The following LITAF variants were observed in gnomAD, a reference collection of about 807,000 sequenced individuals.
LITAF encodes lipopolysaccharide induced TNF factor, also known as lipopolysaccharide-induced tumor necrosis factor-alpha factor.
In LITAF, 9 loss-of-function variants were observed where a neutral mutation model predicts 14.5. The observed-to-expected ratio is 0.62, with a 90% CI of 0.37 to 1.08. LITAF has a LOEUF of 1.08. Among genes scored for constraint, LITAF ranks in the 50% least tolerant of loss-of-function variants. The pLI is 0.01. For missense variants in LITAF, 206 were observed against 213.4 expected (o/e 0.97, Z 0.22); for synonymous variants, 98 against 88.2 (o/e 1.11, Z -0.62).
In LITAF at chr16:11,595,455, C is replaced by A. The variant is rs1228870064; in HGVS notation, c.-6+2933G>T. On this transcript the variant is annotated intron_variant, in intron 1 of 3. Transcript: ENST00000571627. The stretch of plus-strand genomic sequence containing the variant: ...ATAACTATGAAGGATGCCGGCTGGA[C>A]ACGGTGGCTCAAGCCTGTAATCCCA... 2.0e-5 allele frequency among the ~76,000 whole-genome samples: 3 copies of A among 152,116 alleles called. No individual in the cohort carries two copies. In the East Asian group the frequency reaches 5.8e-4, roughly 29 times the overall value.
At position 11,553,116 on chromosome 16, in the gene LITAF, A is replaced by G. The variant is rs1365565104; in HGVS notation, c.377+417T>C. Among the ~76,000 whole-genome samples the G allele has an allele frequency of 4.6e-5, 7 of 150,820 alleles. No individual in the cohort carries two copies. Among genetic ancestry groups the G allele is most frequent in the Non-Finnish European group, 1.0e-4 (7 of 67,766 alleles). On this transcript the variant is annotated intron_variant, in intron 3 of 3. Transcript: ENST00000622633. This position sits in a 1 kb window ranked among gnomAD's most constrained non-coding sequence, Gnocchi z 7.7. The stretch of plus-strand genomic sequence containing the variant: ...GGCAACAGAGTGAGAATCCATCACA[A>G]AAAAAGAAAGAAATGCCTTAGGCCA...
intron 1 of LITAF, among the ~76,000 whole-genome samples, chr16:11,595,572 A>G (rs2141856274): frequency 6.6e-6 from 1 of 152,274 alleles, no homozygotes; most frequent in Middle Eastern, 3.4e-3. Flanking sequence ...TACTAAAAAT[A>G]CAAAAAATTA....
At chr16:11,581,124 T>C (rs1243631714) in intron 1 of LITAF, among the ~76,000 whole-genome samples, 1 of 152,272 alleles carries the variant, frequency 6.6e-6, no homozygotes, top group Non-Finnish European at 1.5e-5. Context: ...TGACCTTGCT[T>C]TGAGTTTCAC....
At chr16:11,603,775 G>A (rs543697793) in intron 3 of LITAF, among the ~76,000 whole-genome samples, 13 of 152,108 alleles carry the variant, frequency 8.5e-5, no homozygotes, top group African/African-American at 2.9e-4. Context: ...CCGGGCGCAG[G>A]GGCTCACGCC....
chr16:11,559,954 C>T lies in LITAF; in HGVS notation c.-5-3219G>A, dbSNP rs111587310. Among the ~76,000 whole-genome samples the T allele has an allele frequency of 9.7e-3, 1,478 of 152,048 alleles. 35 individuals carry two copies. The highest frequency in any genetic ancestry group is 0.034 in the African/African-American group (1,415 of 41,456). ...AGTGAGCCGTGACTGCGCCACTGCACTCCAGCCTGGGCGAGACTGTCTCAA... is the reference window on the plus strand; with the variant it reads ...AGTGAGCCGTGACTGCGCCACTGCATTCCAGCCTGGGCGAGACTGTCTCAA... On this transcript the variant is annotated intron_variant, in intron 1 of 3. Coordinates refer to ENST00000622633, the MANE Select transcript of LITAF (RefSeq NM_001136472.2).
rs7193941 is a variant in LITAF, at chr16:11,632,725, C to G, written c.85+808G>C. Among the ~76,000 whole-genome samples the G allele has an allele frequency of 6.6e-6, 1 of 152,156 alleles. No homozygotes were observed. Among genetic ancestry groups the G allele is most frequent in the Non-Finnish European group, 1.5e-5 (1 of 68,020 alleles). On this transcript the variant is annotated intron_variant, in intron 3 of 3. Coordinates refer to the LITAF transcript ENST00000574848. The surrounding 1 kb of genome is among the most constrained non-coding windows in gnomAD (Gnocchi z 4.8). ...TTCGGTTCTGCAAATGCCACTGGCTCTGCTGGCTCTGAGCGCAGAGTCCAG... is the reference window on the plus strand; with the variant it reads ...TTCGGTTCTGCAAATGCCACTGGCTGTGCTGGCTCTGAGCGCAGAGTCCAG...
chr16:11,562,336 A>AAAG lies in LITAF; in HGVS notation c.-5-5604_-5-5602dup, dbSNP rs1567240491. Among the ~76,000 whole-genome samples, 137 of 149,950 alleles carry AAAG rather than the reference A, an allele frequency of 9.1e-4. 2 individuals carry two copies. The highest frequency in any genetic ancestry group is 3.3e-3 in the African/African-American group (133 of 40,008). On this transcript the variant is annotated intron_variant, in intron 1 of 3. Coordinates refer to ENST00000622633, the MANE Select transcript of LITAF (RefSeq NM_001136472.2). ...CTCAAAAAAAAAAAAAAAAAAAAAA[A>AAAG]AAGAAGGAAGAAAAGAAATTCGAAC...
upstream of LITAF, among the ~76,000 whole-genome samples, chr16:11,603,146 G>C (rs1023577928): frequency 9.9e-5 from 15 of 152,176 alleles, no homozygotes; most frequent in Non-Finnish European, 5.9e-5. Context: ...AACACAAACA[G>C]TAAAGGGTGC....
At chr16:11,611,390 C>G (rs2064981428) in intron 3 of LITAF, among the ~76,000 whole-genome samples, 1 of 152,132 alleles carries the variant, frequency 6.6e-6, no homozygotes, top group Non-Finnish European at 1.5e-5. Context: ...GTCAGAGAAA[C>G]AGTGAATACT....
chr16:11,549,023 T>C lies in LITAF; in HGVS notation c.*614A>G, dbSNP rs1348226670. The stretch of plus-strand genomic sequence containing the variant: ...ATTTACGACCTTGTGGATATGTCTG[T>C]ACTGGGTGTTAATAGCCCCCTCCTT... On this transcript the variant is annotated 3_prime_UTR_variant, in exon 4 of 4. Transcript: ENST00000622633. The surrounding 1 kb of genome is among the most constrained non-coding windows in gnomAD (Gnocchi z 4.6). The C allele has an allele frequency of 6.6e-6, 3 of 452,882 alleles. No homozygotes were observed. The highest frequency in any genetic ancestry group is 1.3e-5 in the Non-Finnish European group (3 of 226,656). 28.1% of individuals were successfully genotyped at this position (452,882 alleles called of 1,614,324 possible). A position where few individuals can be genotyped will look rare whatever the true frequency, so the allele number is the denominator to read the frequency against.
At chr16:11,562,667 T>C (rs967975845) in intron 1 of LITAF, among the ~76,000 whole-genome samples, 1 of 152,170 alleles carries the variant, frequency 6.6e-6, no homozygotes, top group African/African-American at 2.4e-5. Context: ...GAGGCCGACG[T>C]GGGCAGATCA....
rs1288152566 is a variant in LITAF at position 11,605,076 on chromosome 16, T to C, written c.85+28457A>G. On this transcript the variant is annotated intron_variant, in intron 3 of 3. Transcript: ENST00000574848. The surrounding 1 kb of genome is among the most constrained non-coding windows in gnomAD (Gnocchi z 4.7). ...CACTGCTGGACGTGGGGCACTTGAA[T>C]GGGTCCCTCACCCGTGTGCAGGCCC... 1.3e-5 allele frequency among the ~76,000 whole-genome samples: 2 copies of C among 152,222 alleles called. No individual in the cohort carries two copies. The highest frequency in any genetic ancestry group is 2.9e-5 in the Non-Finnish European group (2 of 68,038).
At chr16:11,556,142 T>G in intron 2 of LITAF, 1 of 402,684 alleles carries the variant, frequency 2.5e-6, no homozygotes, top group East Asian at 3.7e-5. Flanking sequence ...TTCTCCTCCC[T>G]ATTCCTACCT....
intron 3 of LITAF, among the ~76,000 whole-genome samples, chr16:11,606,990 CTA>C (rs2064958378): frequency 1.3e-5 from 2 of 152,226 alleles, no homozygotes; most frequent in African/African-American, 2.4e-5. Flanking sequence ...TATTCCTGTC[CTA>C]TATTATGGAT....
intron 1 of LITAF, among the ~76,000 whole-genome samples, chr16:11,568,736 G>C (rs530429232): frequency 3.4e-5 from 5 of 146,700 alleles, no homozygotes; most frequent in Non-Finnish European, 7.4e-5. Context: ...CTGGAATGCA[G>C]TGCCACGACC....
rs1293678743 is a variant in LITAF at position 11,605,292 on chromosome 16, A to G, written c.85+28241T>C. 6.6e-6 allele frequency among the ~76,000 whole-genome samples: 1 copy of G among 152,156 alleles called. No homozygotes were observed. The highest frequency in any genetic ancestry group is 2.4e-5 in the African/African-American group (1 of 41,436). ...TGTCCCCGTGGGGAATGTGGCCCCTAGTATTCAATGGGGGGATGCCACGCA... is the reference window on the plus strand; with the variant it reads ...TGTCCCCGTGGGGAATGTGGCCCCTGGTATTCAATGGGGGGATGCCACGCA... On this transcript the variant is annotated intron_variant, in intron 3 of 3. Coordinates refer to the LITAF transcript ENST00000574848. This position sits in a 1 kb window ranked among gnomAD's most constrained non-coding sequence, Gnocchi z 4.7.
chr16:11,551,661 A>AT, intron 3 of LITAF: 1 of 604,796 alleles, frequency 1.7e-6, no homozygotes, highest in Non-Finnish European at 2.9e-6. Context: ...GCTTCCACAC[A>AT]CACAAAAAAA....
At position 11,558,822 on chromosome 16, in the gene LITAF, T is replaced by C. The variant is rs541389212; in HGVS notation, c.-5-2087A>G. Among the ~76,000 whole-genome samples the C allele has an allele frequency of 3.3e-5, 5 of 152,318 alleles. No homozygotes were observed. The East Asian group carries it at 9.7e-4, about 29-fold the overall frequency. On this transcript the variant is annotated intron_variant, in intron 1 of 3. Coordinates refer to ENST00000622633, the MANE Select transcript of LITAF (RefSeq NM_001136472.2). The surrounding 1 kb of genome is among the most constrained non-coding windows in gnomAD (Gnocchi z 4.1). ...CATTCTAGAAAACTTTGAAAGTCCC[T>C]TGGAGAACACGTGTTCAAGACTTCT... is the stretch of plus-strand genomic sequence containing the variant.
upstream of LITAF, among the ~76,000 whole-genome samples, chr16:11,587,876 A>C (rs371278177): frequency 9.8e-5 from 15 of 152,290 alleles, no homozygotes; most frequent in African/African-American, 3.6e-4. Flanking sequence ...TGATGTGGCC[A>C]TCCACAAACA....
Sources: gnomAD v4.1 joint callset for allele counts (sites outside exome capture counted in the v4.1 genomes callset) on GRCh38, gnomAD v4.1.1 for gene constraint, Gnocchi (gnomAD v3.1) non-coding constraint, MANE v1.5 for transcripts, NCBI Gene and HGNC (gene_info 2026-07-23, HGNC 2026-07-21) for gene names.